Variants in TLE1 observed in about 807,000 individuals in gnomAD.
TLE1 encodes the protein TLE family member 1, transcriptional corepressor, also known as transducin-like enhancer protein 1.
A neutral mutation model predicts 89.8 loss-of-function variants in TLE1; 21 were observed. The observed-to-expected ratio is 0.23, with a 90% CI of 0.17 to 0.34. TLE1 has a LOEUF of 0.34. TLE1 is among the 10% of genes least tolerant of loss of function. The pLI is 1.00. For missense variants in TLE1, 795 were observed against 1,031.2 expected (o/e 0.77, Z 3.14); for synonymous variants, 447 against 407.6 (o/e 1.10, Z -1.16).
chr9:81,584,423 A>T, intron 19 of TLE1, 25 bp downstream of exon 19: 1 of 1,613,548 alleles, frequency 6.2e-7, no homozygotes, highest in Non-Finnish European at 8.5e-7. Flanking sequence ...CAAACTGTGG[A>T]TCTAGGTGAG....
At chr9:81,639,907 A>T (rs1827897838) in intron 6 of TLE1, among the ~76,000 whole-genome samples, 1 of 152,062 alleles carries the variant, frequency 6.6e-6, no homozygotes, top group African/African-American at 2.4e-5. Context: ...ATTTTTGATA[A>T]GCAATGACAG....
intron 6 of TLE1, among the ~76,000 whole-genome samples, chr9:81,647,327 C>G (rs942946869): frequency 6.6e-6 from 1 of 152,184 alleles, no homozygotes; most frequent in Non-Finnish European, 1.5e-5. Flanking sequence ...GTAAGGAAGC[C>G]AATGATGTCT....
chr9:81,683,457 C>A (rs1281305553), intron 4 of TLE1, among the ~76,000 whole-genome samples: 1 of 152,008 alleles, frequency 6.6e-6, no homozygotes, highest in Non-Finnish European at 1.5e-5. Context: ...GGTGATCAGG[C>A]GGCAAAAAGC....
chr9:81,628,967 T>C (rs1013842474), intron 8 of TLE1, among the ~76,000 whole-genome samples: 1 of 152,182 alleles, frequency 6.6e-6, no homozygotes, highest in Non-Finnish European at 1.5e-5. Context: ...TGCGTAGGTC[T>C]ATACACCGTC....
intron 6 of TLE1, among the ~76,000 whole-genome samples, chr9:81,635,361 C>G (rs529033680): frequency 6.6e-6 from 1 of 152,288 alleles, no homozygotes; most frequent in South Asian, 2.1e-4. Flanking sequence ...TTCCCAAATG[C>G]CTTTTCCATG....
At chr9:81,621,441 T>C (rs1825245336) in intron 8 of TLE1, among the ~76,000 whole-genome samples, 2 of 152,176 alleles carry the variant, frequency 1.3e-5, no homozygotes, top group East Asian at 1.9e-4. Context: ...GATGTGTTAC[T>C]GCCCTGAACA....
At chr9:81,600,038 T>A in intron 14 of TLE1, 1 of 692,562 alleles carries the variant, frequency 1.4e-6, no homozygotes, top group East Asian at 2.6e-5. Context: ...CATTTAAGAT[T>A]CTGAGTTCTA....
intron 4 of TLE1, among the ~76,000 whole-genome samples, chr9:81,680,030 G>T (rs977890946): frequency 9.2e-5 from 14 of 152,124 alleles, no homozygotes; most frequent in African/African-American, 2.9e-4. Context: ...AACACTATTT[G>T]GGAGAACATC....
chr9:81,610,424 TG>T, intron 13 of TLE1, 128 bp from the exon 14 acceptor site: 1 of 704,394 alleles, frequency 1.4e-6, no homozygotes, highest in South Asian at 1.8e-5. Context: ...CATGGCCTAG[TG>T]TTTTTCTTTT....
At chr9:81,687,292 G>A (rs756105408) in intron 2 of TLE1, 42 bp downstream of exon 2, 4 of 1,552,986 alleles carry the variant, frequency 2.6e-6, no homozygotes, top group Non-Finnish European at 2.6e-6. Flanking sequence ...AAGGGGCACC[G>A]GGACGCCCGC....
Position 81,610,207 on chromosome 9 carries a change from T to C in TLE1, c.1331+13A>G, listed in dbSNP as rs148881824. The C allele has an allele frequency of 5.0e-4, 799 of 1,611,900 alleles. 2 individuals are homozygous for C. In the African/African-American group the frequency reaches 6.9e-3, roughly 14 times the overall value. ...CACCTTTAAAACAAAACCAAGGTCTTTGAGGTACTTACGGTTTCCCCCCAG... is the reference window on the plus strand; with the variant it reads ...CACCTTTAAAACAAAACCAAGGTCTCTGAGGTACTTACGGTTTCCCCCCAG... On this transcript the variant is annotated intron_variant, in intron 14 of 19. Transcript: ENST00000376499.
intron 11 of TLE1, among the ~76,000 whole-genome samples, chr9:81,613,853 A>C (rs1824032129): frequency 6.6e-6 from 1 of 150,768 alleles, no homozygotes; most frequent in Admixed American, 6.6e-5. Context: ...TTTCCCAGGC[A>C]CTCAGAAACA....
chr9:81,603,650 T>C (rs185190476), intron 14 of TLE1, among the ~76,000 whole-genome samples: 17 of 152,318 alleles, frequency 1.1e-4, no homozygotes, highest in Admixed American at 7.8e-4. Flanking sequence ...ATTTACTGCC[T>C]CCAGCCCAAA....
At chr9:81,601,532 C>T (rs1830921701) in intron 14 of TLE1, among the ~76,000 whole-genome samples, 1 of 150,786 alleles carries the variant, frequency 6.6e-6, no homozygotes, top group African/African-American at 2.4e-5. Context: ...CCTCTAGGTG[C>T]TAATATATAA....
At chr9:81,677,641 T>C (rs947629469) in intron 4 of TLE1, among the ~76,000 whole-genome samples, 2 of 151,520 alleles carry the variant, frequency 1.3e-5, no homozygotes, top group Non-Finnish European at 2.9e-5. Flanking sequence ...TACGTATACC[T>C]AGACTAGTAT....
intron 4 of TLE1, among the ~76,000 whole-genome samples, chr9:81,658,282 C>G (rs1235759301): frequency 6.6e-6 from 1 of 151,984 alleles, no homozygotes; most frequent in Non-Finnish European, 1.5e-5. Context: ...AGATGCAGAA[C>G]CCACAGATAC....
chr9:81,661,760 C>A (rs756885383), intron 4 of TLE1, among the ~76,000 whole-genome samples: 3 of 151,862 alleles, frequency 2.0e-5, no homozygotes, highest in Non-Finnish European at 2.9e-5. Flanking sequence ...CTTAAATCCC[C>A]CCCCCAAAAA....
intron 2 of TLE1, among the ~76,000 whole-genome samples, chr9:81,686,289 A>AACGG (rs1298452570): frequency 6.6e-6 from 1 of 152,144 alleles, no homozygotes; most frequent in Admixed American, 6.5e-5. Flanking sequence ...TGCCAACTCA[A>AACGG]ACGGTCTCTA....
At chr9:81,687,305 C>A (rs1235728225) in intron 2 of TLE1, 29 bp downstream of exon 2, 2 of 1,580,312 alleles carry the variant, frequency 1.3e-6, no homozygotes, top group East Asian at 4.6e-5. Flanking sequence ...ACGCCCGCGA[C>A]CACTCGCATG....
Sources: allele counts gnomAD v4.1 joint callset (sites outside exome capture counted in the v4.1 genomes callset), GRCh38; gene constraint gnomAD v4.1.1; transcripts MANE v1.5; gene names NCBI Gene and HGNC (gene_info 2026-07-23, HGNC 2026-07-21).